Variants in MBOAT2 observed in about 807,000 individuals in gnomAD.
The protein encoded by MBOAT2 is membrane-bound glycerophospholipid O-acyltransferase 2.
In MBOAT2, 28 loss-of-function variants were observed where a neutral mutation model predicts 63.4. The observed-to-expected ratio is 0.44, with a 90% CI of 0.33 to 0.61. The LOEUF (loss-of-function observed/expected upper bound fraction) is 0.61. Among genes scored for constraint, MBOAT2 ranks in the 20% least tolerant of loss-of-function variants. The pLI is 0.03. For missense variants in MBOAT2, 470 were observed against 605.8 expected (o/e 0.78, Z 2.35); for synonymous variants, 211 against 215.6 (o/e 0.98, Z 0.19).
At chr2:8,945,294 C>T (rs951062138) in intron 2 of MBOAT2, among the ~76,000 whole-genome samples, 2 of 152,122 alleles carry the variant, frequency 1.3e-5, no homozygotes, top group African/African-American at 4.8e-5. Context: ...GTTGCTTTTC[C>T]ACTCAATGAA....
At chr2:8,982,354 A>G (rs1671256093) in intron 1 of MBOAT2, among the ~76,000 whole-genome samples, 1 of 152,120 alleles carries the variant, frequency 6.6e-6, no homozygotes, top group African/African-American at 2.4e-5. Flanking sequence ...AAGGTATGTT[A>G]GAAACTAAAC....
At chr2:8,868,113 G>C (rs1377992585) in intron 9 of MBOAT2, among the ~76,000 whole-genome samples, 1 of 151,964 alleles carries the variant, frequency 6.6e-6, no homozygotes, top group Non-Finnish European at 1.5e-5. Flanking sequence ...TTTTCTTTAG[G>C]ACTCTCTTCC....
intron 1 of MBOAT2, among the ~76,000 whole-genome samples, chr2:8,992,293 T>C (rs1671964894): frequency 1.3e-5 from 2 of 152,222 alleles, no homozygotes; most frequent in Admixed American, 6.5e-5. Flanking sequence ...CCTCTCTCCA[T>C]TCATTCTTTT....
intron 3 of MBOAT2, among the ~76,000 whole-genome samples, chr2:8,932,266 T>C (rs1380777525): frequency 6.6e-6 from 1 of 152,202 alleles, no homozygotes; most frequent in Non-Finnish European, 1.5e-5. Context: ...AAATACCAAC[T>C]GCAAGCAAAG....
chr2:8,903,096 C>T (rs1665080888), intron 4 of MBOAT2, among the ~76,000 whole-genome samples: 1 of 152,144 alleles, frequency 6.6e-6, no homozygotes, highest in Non-Finnish European at 1.5e-5. Flanking sequence ...TCCAAGTCCC[C>T]ACCCGATTAG....
chr2:8,888,262 G>T (rs561245115), intron 4 of MBOAT2, among the ~76,000 whole-genome samples, 189 bp from the exon 5 acceptor site: 2 of 152,270 alleles, frequency 1.3e-5, no homozygotes, highest in African/African-American at 4.8e-5. Context: ...AGGCGATGGG[G>T]ATCTGGACTT....
rs1187769473 is a variant in MBOAT2 at position 8,862,217 on chromosome 2, G to C, written c.1185+373C>G. The C allele has an allele frequency of 1.0e-5, 11 of 1,082,364 alleles. No homozygotes were observed. The East Asian group carries it at 6.4e-4, about 63-fold the overall frequency. The allele number at this position is 1,082,364 out of a possible 1,614,324, so 67.0% of individuals were successfully genotyped here. A position where few individuals can be genotyped will look rare whatever the true frequency, so the allele number is the denominator to read the frequency against. ...GCCTCGCACAGCCTAGTCTTCATCT[G>C]AGAGAGGACTCAAAGGTTACAGCTT... On this transcript the variant is annotated intron_variant, in intron 11 of 12. Coordinates refer to ENST00000305997, the MANE Select transcript of MBOAT2 (RefSeq NM_138799.4). The surrounding 1 kb of genome is among the most constrained non-coding windows in gnomAD (Gnocchi z 4.3).
chr2:8,986,035 C>T (rs1479337915), intron 1 of MBOAT2, among the ~76,000 whole-genome samples: 2 of 152,076 alleles, frequency 1.3e-5, no homozygotes, highest in Non-Finnish European at 2.9e-5. Context: ...AGTGATCAGT[C>T]ACACTCAAAG....
intron 1 of MBOAT2, among the ~76,000 whole-genome samples, chr2:8,971,216 G>A (rs1346333842): frequency 6.6e-6 from 1 of 152,192 alleles, no homozygotes; most frequent in Non-Finnish European, 1.5e-5. Context: ...TTTAACATAT[G>A]CAAATCAATA....
chr2:8,862,697 T>G lies in MBOAT2; in HGVS notation c.1078A>C (p.Ser360Arg). ...AGAATGAACGTCTGGATAGTTGGAC[T>G]GAAGGAGGTTCGTTCATAACACACC... Reference protein sequence around the residue: ...KRVCYERTSFSPTIQTFILSA... With the variant: ...KRVCYERTSFRPTIQTFILSA... Residue 360 changes from serine (S) to arginine (R), a missense_variant, in exon 11 of 13, where the codon AGT becomes CGT. By Grantham distance (110) the Ser-to-Arg change is moderately radical (BLOSUM62 -1). Around this residue, in one of 3 missense-constraint regions of MBOAT2, gnomAD observed 376 missense variants for 503.8 expected, o/e 0.75. Transcript: ENST00000305997. The surrounding 1 kb of genome is among the most constrained non-coding windows in gnomAD (Gnocchi z 4.3). The G allele has an allele frequency of 1.2e-6, 2 of 1,613,988 alleles. No homozygotes were observed. The highest frequency in any genetic ancestry group is 1.7e-6 in the Non-Finnish European group (2 of 1,179,944).
intron 2 of MBOAT2, among the ~76,000 whole-genome samples, chr2:8,952,069 T>C (rs1668874928): frequency 6.6e-6 from 1 of 152,252 alleles, no homozygotes; most frequent in African/African-American, 2.4e-5. Context: ...CACTGTATAC[T>C]TTCCTCTTAA....
At position 8,944,726 on chromosome 2, in the gene MBOAT2, G is replaced by A. The variant is rs112837956; in HGVS notation, c.222-1462C>T. Among the ~76,000 whole-genome samples the A allele has an allele frequency of 9.9e-3, 1,505 of 151,468 alleles. 18 individuals are homozygous for A. Among genetic ancestry groups the A allele is most frequent in the African/African-American group, 0.035 (1,435 of 41,210 alleles). ...TTTTTTTAATACCATTATAATCAGA[G>A]GAAGCAGAAAAACCTAAATGAGTAT... is the stretch of plus-strand genomic sequence containing the variant. On this transcript the variant is annotated intron_variant, in intron 2 of 12. Transcript: ENST00000305997.
intron 2 of MBOAT2, among the ~76,000 whole-genome samples, chr2:8,946,347 A>T (rs1668412485): frequency 6.6e-6 from 1 of 152,224 alleles, no homozygotes; most frequent in South Asian, 2.1e-4. Flanking sequence ...TAGTGTTATT[A>T]TCAAGGACAT....
At chr2:8,892,637 G>C (rs978074503) in intron 4 of MBOAT2, among the ~76,000 whole-genome samples, 1 of 152,186 alleles carries the variant, frequency 6.6e-6, no homozygotes, top group African/African-American at 2.4e-5. Context: ...CAGTGTGTCA[G>C]ATGCTGCCAG....
chr2:8,988,979 A>C (rs1458357209), intron 1 of MBOAT2, among the ~76,000 whole-genome samples: 1 of 152,248 alleles, frequency 6.6e-6, no homozygotes, highest in Non-Finnish European at 1.5e-5. Flanking sequence ...AAGTCTTAGA[A>C]TGTTTTAATA....
At chr2:8,965,266 C>T (rs1669904099) in intron 1 of MBOAT2, among the ~76,000 whole-genome samples, 1 of 152,170 alleles carries the variant, frequency 6.6e-6, no homozygotes. Context: ...CTATTTCCTA[C>T]TTAAACCAAA....
intron 3 of MBOAT2, among the ~76,000 whole-genome samples, chr2:8,936,913 C>T (rs969875759): frequency 1.5e-4 from 23 of 152,114 alleles, no homozygotes; most frequent in Middle Eastern, 6.8e-3. Context: ...CAGGCTTCCA[C>T]TCTTGAATAT....
intron 3 of MBOAT2, among the ~76,000 whole-genome samples, chr2:8,925,423 T>C (rs1042363420): frequency 3.3e-5 from 5 of 152,208 alleles, no homozygotes; most frequent in African/African-American, 1.2e-4. Context: ...TTACAGTTCT[T>C]TACATCCCAT....
intron 1 of MBOAT2, among the ~76,000 whole-genome samples, chr2:8,976,649 G>C (rs1172703755): frequency 2.0e-5 from 3 of 152,116 alleles, no homozygotes; most frequent in Admixed American, 2.0e-4. Context: ...ATGAATACCA[G>C]AACAAGGAAA....
Sources: allele counts gnomAD v4.1 joint callset (sites outside exome capture counted in the v4.1 genomes callset), GRCh38; gene constraint gnomAD v4.1.1; regional missense constraint gnomAD v4.1.1; non-coding constraint Gnocchi (gnomAD v3.1); transcripts MANE v1.5; gene names NCBI Gene and HGNC (gene_info 2026-07-23, HGNC 2026-07-21).